The following SS18 variants were observed in gnomAD, a reference collection of about 807,000 sequenced individuals.
SS18 encodes protein SSXT.
Under a neutral mutation model 72.5 loss-of-function variants are expected in SS18, and 28 were observed. That is an observed-to-expected ratio of 0.39 (90% CI 0.29 to 0.53). SS18 has a LOEUF of 0.53. SS18 is among the 20% of genes least tolerant of loss of function. The pLI is 0.76. For missense variants in SS18, 518 were observed against 535.3 expected, an observed-to-expected ratio of 0.97 and a Z score of 0.32; for synonymous variants, 172 against 164.2, an observed-to-expected ratio of 1.05 and a Z score of -0.37.
At chr18:26,089,832 G>A (rs2054684517) in intron 1 of SS18, 2 of 152,308 alleles carry the variant, frequency 1.3e-5, no homozygotes, top group Non-Finnish European at 2.9e-5. Flanking sequence ...CACCACAGTA[G>A]CCTCAGCGCC....
chr18:26,031,319 C>G (rs1184648108), intron 10 of SS18, among the ~76,000 whole-genome samples: 2 of 152,166 alleles, frequency 1.3e-5, no homozygotes, highest in Non-Finnish European at 2.9e-5. Flanking sequence ...GGGTTGTAGG[C>G]ATGAGAGAGG....
chr18:26,060,489 G>A (rs994393791), intron 3 of SS18, among the ~76,000 whole-genome samples: 9 of 151,888 alleles, frequency 5.9e-5, no homozygotes, highest in African/African-American at 2.2e-4. Flanking sequence ...ACATAATTGT[G>A]AATATACTAA....
intron 10 of SS18, among the ~76,000 whole-genome samples, chr18:26,023,109 A>G (rs1462879441): frequency 2.6e-5 from 4 of 152,216 alleles, no homozygotes; most frequent in Admixed American, 2.6e-4. Flanking sequence ...ATATATCTTC[A>G]TCACCCAACA....
Position 26,016,327 on chromosome 18 carries a change from A to G in SS18, c.*2027T>C, listed in dbSNP as rs2053252562. On this transcript the variant is annotated 3_prime_UTR_variant, in exon 11 of 11. Transcript: ENST00000415083. The stretch of plus-strand genomic sequence containing the variant: ...ATAGCAACAAAGTACACAGTGGTGG[A>G]AAATTGGCACAGAACCTACAAGCAT... 1 of 182,714 alleles carries G rather than the reference A, an allele frequency of 5.5e-6. No individual in the cohort carries two copies. The highest frequency in any genetic ancestry group is 2.4e-5 in the African/African-American group (1 of 42,452). The allele number at this position is 182,714 out of a possible 1,614,324, so 11.3% of individuals were successfully genotyped here.
At chr18:26,074,510 A>G (rs1399750410) in intron 3 of SS18, among the ~76,000 whole-genome samples, 2 of 152,070 alleles carry the variant, frequency 1.3e-5, no homozygotes, top group African/African-American at 4.8e-5. Context: ...TCTTCTATTA[A>G]GCCAGACATT....
intron 10 of SS18, among the ~76,000 whole-genome samples, chr18:26,031,042 A>T (rs1233584013): frequency 6.6e-6 from 1 of 152,196 alleles, no homozygotes; most frequent in Non-Finnish European, 1.5e-5. Context: ...CACATGGAGA[A>T]TAAATATTTG....
At chr18:26,047,699 C>T (rs1238089797) in intron 5 of SS18, among the ~76,000 whole-genome samples, 3 of 152,012 alleles carry the variant, frequency 2.0e-5, no homozygotes, top group Non-Finnish European at 4.4e-5. Context: ...AAAAATTAGC[C>T]GGGCATGGTG....
chr18:26,029,725 A>T (rs550878953), intron 10 of SS18, among the ~76,000 whole-genome samples: 1 of 152,198 alleles, frequency 6.6e-6, no homozygotes, highest in African/African-American at 2.4e-5. Flanking sequence ...TCATCTGCCT[A>T]AACTACAACT....
chr18:26,050,025 T>C (rs1347400098), intron 5 of SS18, among the ~76,000 whole-genome samples: 1 of 152,204 alleles, frequency 6.6e-6, no homozygotes, highest in Non-Finnish European at 1.5e-5. Flanking sequence ...GGTGGATGGA[T>C]GGCTTGAGGT....
intron 2 of SS18, 76 bp downstream of exon 2, chr18:26,087,425 T>C: frequency 1.3e-6 from 1 of 779,618 alleles, no homozygotes; most frequent in Admixed American, 2.3e-5. Context: ...TATATCTCAA[T>C]AAAGCTGTTA....
intron 2 of SS18, chr18:26,082,530 T>C: frequency 1.0e-6 from 1 of 984,722 alleles, no homozygotes; most frequent in Non-Finnish European, 1.2e-6. Flanking sequence ...GGACTCACCC[T>C]AAAATGCAAA....
At chr18:26,019,931 T>C (rs2053318723) in intron 10 of SS18, among the ~76,000 whole-genome samples, 1 of 151,760 alleles carries the variant, frequency 6.6e-6, no homozygotes, top group African/African-American at 2.4e-5. Context: ...AGATTTGCTC[T>C]AAAATACTCT....
At chr18:26,066,425 T>C (rs995300513) in intron 3 of SS18, among the ~76,000 whole-genome samples, 1 of 152,126 alleles carries the variant, frequency 6.6e-6, no homozygotes. Context: ...ATCTCTGATA[T>C]TTCCCTTCAC....
At chr18:26,069,833 A>C (rs2054282878) in intron 3 of SS18, among the ~76,000 whole-genome samples, 1 of 152,256 alleles carries the variant, frequency 6.6e-6, no homozygotes, top group Non-Finnish European at 1.5e-5. Flanking sequence ...TTTTCTAAAC[A>C]AATGGTGCCT....
chr18:26,033,153 T>C (rs367707151), intron 9 of SS18, among the ~76,000 whole-genome samples: 254 of 152,260 alleles, frequency 1.7e-3, no homozygotes, highest in African/African-American at 5.9e-3. Context: ...CCCATAAAAA[T>C]GATTACAAAT....
chr18:26,080,721 T>C lies in SS18; in HGVS notation c.147-2561A>G, dbSNP rs527926983. Among the ~76,000 whole-genome samples the C allele has an allele frequency of 7.9e-5, 12 of 152,318 alleles. No individual in the cohort carries two copies. In the South Asian group the frequency reaches 1.7e-3, roughly 21 times the overall value. On this transcript the variant is annotated intron_variant, in intron 2 of 10. Coordinates refer to ENST00000415083, the MANE Select transcript of SS18 (RefSeq NM_001007559.3). The stretch of plus-strand genomic sequence containing the variant: ...CAATAGCAAAGTCTTGTATATTTTT[T>C]CTCCCAGATTCTCTAATGATTAGTA...
rs186873690 is a variant in SS18 at position 26,016,986 on chromosome 18, A to C, written c.*1368T>G. ...CTGGGCATAGGCAACTGTGATGAAAATAGCAACTTACCTTTGGGCTAGATG... is the reference window on the plus strand; with the variant it reads ...CTGGGCATAGGCAACTGTGATGAAACTAGCAACTTACCTTTGGGCTAGATG... On this transcript the variant is annotated 3_prime_UTR_variant, in exon 11 of 11. Coordinates refer to ENST00000415083, the MANE Select transcript of SS18 (RefSeq NM_001007559.3). The C allele has an allele frequency of 4.0e-5, 9 of 226,518 alleles. No individual in the cohort carries two copies. The highest frequency in any genetic ancestry group is 2.0e-4 in the African/African-American group (9 of 45,076). The allele number at this position is 226,518 out of a possible 1,614,324, so 14.0% of individuals were successfully genotyped here. A position where few individuals can be genotyped will look rare whatever the true frequency, so the allele number is the denominator to read the frequency against.
At chr18:26,038,844 A>T (rs1192185314) in intron 6 of SS18, among the ~76,000 whole-genome samples, 185 bp from the exon 7 acceptor site, 2 of 152,190 alleles carry the variant, frequency 1.3e-5, no homozygotes, top group African/African-American at 4.8e-5. Context: ...TCCACATACC[A>T]CATTTACTAA....
intron 2 of SS18, 26 bp downstream of exon 2, chr18:26,087,473 TAA>T (rs535750135): frequency 3.6e-6 from 5 of 1,370,812 alleles, no homozygotes; most frequent in African/African-American, 1.5e-5. Context: ...AAAAACTGAA[TAA>T]AAAAAAAGTT....
Sources: allele counts gnomAD v4.1 joint callset (sites outside exome capture counted in the v4.1 genomes callset), GRCh38; gene constraint gnomAD v4.1.1; transcripts MANE v1.5; gene names NCBI Gene and HGNC (gene_info 2026-07-23, HGNC 2026-07-21).